The following PALM2AKAP2 variants were observed in gnomAD, a reference collection of about 807,000 sequenced individuals.
The protein encoded by PALM2AKAP2 is PALM2-AKAP2 fusion protein.
In PALM2AKAP2, 37 loss-of-function variants were observed where a neutral mutation model predicts 71.5. That is an observed-to-expected ratio of 0.52 (90% CI 0.40 to 0.68). PALM2AKAP2 has a LOEUF of 0.68. Among genes scored for constraint, PALM2AKAP2 ranks in the 30% least tolerant of loss-of-function variants. PALM2AKAP2 has a pLI of 0.00. For synonymous variants in PALM2AKAP2, 468 were observed against 478.8 expected (o/e 0.98, Z 0.29); for missense variants, 1,224 against 1,191.8 (o/e 1.03, Z -0.40).
intron 3 of PALM2AKAP2, among the ~76,000 whole-genome samples, chr9:109,923,006 A>G (rs1006271445): frequency 6.6e-6 from 1 of 152,228 alleles, no homozygotes; most frequent in South Asian, 2.1e-4. Context: ...AGTGCTCAGT[A>G]AATACTGGTG....
chr9:109,757,813 T>C (rs1331468256), intron 1 of PALM2AKAP2, among the ~76,000 whole-genome samples: 1 of 152,166 alleles, frequency 6.6e-6, no homozygotes, highest in Non-Finnish European at 1.5e-5. Flanking sequence ...AGAAAAGGGA[T>C]AGATCCCAGA....
At chr9:110,074,923 A>G (rs1834286800) in intron 1 of PALM2AKAP2, among the ~76,000 whole-genome samples, 1 of 152,160 alleles carries the variant, frequency 6.6e-6, no homozygotes, top group Admixed American at 6.5e-5. Flanking sequence ...GAATCTCTTG[A>G]ACCCAGGAGG....
chr9:109,727,265 A>G (rs779175830), intron 1 of PALM2AKAP2, among the ~76,000 whole-genome samples: 2 of 152,144 alleles, frequency 1.3e-5, no homozygotes, highest in Non-Finnish European at 2.9e-5. Flanking sequence ...CTGCCCCACC[A>G]ACTTTACAGG....
intron 1 of PALM2AKAP2, among the ~76,000 whole-genome samples, chr9:109,828,033 G>T (rs530391678): frequency 6.6e-6 from 1 of 152,310 alleles, no homozygotes; most frequent in Admixed American, 6.5e-5. Context: ...TGTGTGCTGG[G>T]TGAGTACTTT....
intron 6 of PALM2AKAP2, among the ~76,000 whole-genome samples, chr9:109,994,643 C>T (rs1832542166): frequency 6.6e-6 from 1 of 152,216 alleles, no homozygotes; most frequent in African/African-American, 2.4e-5. Flanking sequence ...TCCTGACCAC[C>T]TCCTACTCCC....
intron 6 of PALM2AKAP2, among the ~76,000 whole-genome samples, chr9:109,967,033 G>GTTT (rs1188005195): frequency 3.9e-5 from 6 of 152,160 alleles, no homozygotes; most frequent in Non-Finnish European, 5.9e-5. Flanking sequence ...TGCTGTTGTT[G>GTTT]TTATTATTAT....
chr9:109,905,474 G>T (rs537680065), intron 3 of PALM2AKAP2, among the ~76,000 whole-genome samples: 1 of 152,362 alleles, frequency 6.6e-6, no homozygotes, highest in South Asian at 2.1e-4. Context: ...CAGGAAAAAG[G>T]CAGAGAGATG....
At chr9:109,874,230 A>G (rs2131729208) in intron 2 of PALM2AKAP2, among the ~76,000 whole-genome samples, 1 of 152,332 alleles carries the variant, frequency 6.6e-6, no homozygotes, top group Non-Finnish European at 1.5e-5. Context: ...AGAGAGCATC[A>G]ATATGGAACC....
Position 110,156,503 on chromosome 9 carries a change from T to G in PALM2AKAP2, c.2748+6T>G. On this transcript the variant is annotated splice_donor_region_variant and intron_variant, in intron 3 of 3. Transcript: ENST00000374525. ...AGAGAATGGATGATAGTAGTGTAAG[T>G]TTTTCCTCCTTTCCTCTTTCACTTC... The G allele has an allele frequency of 1.9e-6, 3 of 1,590,106 alleles. No individual in the cohort carries two copies. Among genetic ancestry groups the G allele is most frequent in the African/African-American group, 1.3e-5 (1 of 74,316 alleles).
intron 6 of PALM2AKAP2, among the ~76,000 whole-genome samples, chr9:109,986,810 A>G (rs1226296074): frequency 6.6e-6 from 1 of 152,194 alleles, no homozygotes; most frequent in Non-Finnish European, 1.5e-5. Flanking sequence ...ATTGAGGAGA[A>G]AGCTCTAAAT....
At chr9:109,871,401 A>G (rs1829599925) in intron 2 of PALM2AKAP2, among the ~76,000 whole-genome samples, 1 of 152,204 alleles carries the variant, frequency 6.6e-6, no homozygotes. Context: ...ATCCTTAGCT[A>G]TACGTAGTGT....
intron 6 of PALM2AKAP2, among the ~76,000 whole-genome samples, chr9:109,970,848 T>C (rs1832051770): frequency 6.6e-6 from 1 of 152,258 alleles, no homozygotes; most frequent in African/African-American, 2.4e-5. Flanking sequence ...GGCTCATGCC[T>C]GTAATCCCAG....
intron 1 of PALM2AKAP2, 71 bp downstream of exon 1, chr9:109,780,604 G>A (rs1829427763): frequency 2.5e-6 from 4 of 1,599,734 alleles, no homozygotes; most frequent in Non-Finnish European, 3.4e-6. Context: ...GGGTTTCGGG[G>A]CAAGCGGCAT....
At chr9:110,138,169 G>C in exon 2 of PALM2AKAP2, 2 of 1,614,020 alleles carry the variant, frequency 1.2e-6, no homozygotes, top group Non-Finnish European at 1.7e-6. Context: ...CAAAGATTCT[G>C]CCTGCTGAAG....
chr9:109,715,446 G>A (rs2208704), intron 1 of PALM2AKAP2, among the ~76,000 whole-genome samples: 22,341 of 152,108 alleles, frequency 0.15, 2,062 homozygotes, highest in Non-Finnish European at 0.21. Context: ...CTGGGCAGTC[G>A]TTCAACGTTC....
At chr9:110,003,488 G>A (rs1832720554) in intron 6 of PALM2AKAP2, among the ~76,000 whole-genome samples, 1 of 152,184 alleles carries the variant, frequency 6.6e-6, no homozygotes, top group Non-Finnish European at 1.5e-5. Context: ...GTGTGGTGCT[G>A]AAAAGAATGT....
intron 1 of PALM2AKAP2, among the ~76,000 whole-genome samples, chr9:109,749,150 G>A (rs904634851): frequency 2.6e-5 from 4 of 152,130 alleles, no homozygotes; most frequent in Non-Finnish European, 4.4e-5. Flanking sequence ...CGATAGAAGC[G>A]GCTCTTGTAT....
At chr9:110,069,276 C>A (rs1834154350) in intron 1 of PALM2AKAP2, among the ~76,000 whole-genome samples, 1 of 152,186 alleles carries the variant, frequency 6.6e-6, no homozygotes, top group Non-Finnish European at 1.5e-5. Context: ...ATGCTGTTTT[C>A]AATAAATATA....
At chr9:110,111,830 A>G (rs1489152855) in intron 1 of PALM2AKAP2, among the ~76,000 whole-genome samples, 1 of 152,204 alleles carries the variant, frequency 6.6e-6, no homozygotes, top group African/African-American at 2.4e-5. Flanking sequence ...TTTTGGTTCC[A>G]GCTGCCTTCT....
Sources: allele counts gnomAD v4.1 joint callset (sites outside exome capture counted in the v4.1 genomes callset), GRCh38; gene constraint gnomAD v4.1.1; transcripts MANE v1.5; gene names NCBI Gene and HGNC (gene_info 2026-07-23, HGNC 2026-07-21).